TUNAR: variants seen among roughly 807,000 people sequenced by gnomAD.
TUNAR encodes protein TUNAR.
At chr14:95,922,940 T>C in exon 3 of TUNAR, 1 of 399,034 alleles carries the variant, frequency 2.5e-6, no homozygotes, top group Non-Finnish European at 4.4e-6. Flanking sequence ...TGTGATCATA[T>C]TTGTCTACAT....
intron 2 of TUNAR, among the ~76,000 whole-genome samples, chr14:95,877,860 C>G (rs993773512): frequency 1.3e-5 from 2 of 152,230 alleles, no homozygotes; most frequent in Non-Finnish European, 2.9e-5. Context: ...AATGTGTACT[C>G]TACTTTTTAG....
intron 2 of TUNAR, among the ~76,000 whole-genome samples, chr14:95,893,444 G>A (rs1312794510): frequency 2.0e-5 from 3 of 152,138 alleles, no homozygotes; most frequent in Non-Finnish European, 4.4e-5. Flanking sequence ...CAGGGAAGGG[G>A]CCGCCCTCAC....
chr14:95,884,114 G>A (rs1292861685), intron 2 of TUNAR, among the ~76,000 whole-genome samples: 1 of 152,038 alleles, frequency 6.6e-6, no homozygotes, highest in Non-Finnish European at 1.5e-5. Flanking sequence ...TCTTCACCAC[G>A]CTTCCCGCTC....
chr14:95,891,003 G>A lies in TUNAR; in HGVS notation c.12+13826G>A, dbSNP rs762332346. 9.2e-5 allele frequency among the ~76,000 whole-genome samples: 14 copies of A among 152,268 alleles called. No individual in the cohort carries two copies. The South Asian group carries it at 1.0e-3, about 11-fold the overall frequency. The stretch of plus-strand genomic sequence containing the variant: ...AACCCAGACAGCAGCAGAAAGAATC[G>A]ACCCGTGTCTGGAGCCTGCTGAAGT... On this transcript the variant is annotated intron_variant, in intron 2 of 2. Transcript: ENST00000678517.
Position 95,895,054 on chromosome 14 carries a change from C to G in TUNAR, c.12+17877C>G, listed in dbSNP as rs1889240833. ...GGCCAAGGCAGGGAGTCAAGCCAGA[C>G]AGCCAGCATCTCCAGAGAATAGTGA... On this transcript the variant is annotated intron_variant, in intron 2 of 2. Coordinates refer to ENST00000678517, the Ensembl canonical transcript of TUNAR. The surrounding 1 kb of genome is among the most constrained non-coding windows in gnomAD (Gnocchi z 4.5). Among the ~76,000 whole-genome samples, 1 of 152,226 alleles carries G rather than the reference C, an allele frequency of 6.6e-6. No homozygotes were observed. Among genetic ancestry groups the G allele is most frequent in the African/African-American group, 2.4e-5 (1 of 41,460 alleles).
chr14:95,896,834 T>C (rs1021236294), intron 2 of TUNAR, among the ~76,000 whole-genome samples: 2 of 152,218 alleles, frequency 1.3e-5, no homozygotes, highest in African/African-American at 4.8e-5. Context: ...AGGGTCTCCT[T>C]GCAGGCCTGG....
chr14:95,894,555 G>T (rs1889229381), intron 2 of TUNAR, among the ~76,000 whole-genome samples: 1 of 152,174 alleles, frequency 6.6e-6, no homozygotes, highest in South Asian at 2.1e-4. Flanking sequence ...AGTCCTGCTT[G>T]TCGAAACACT....
intron 2 of TUNAR, among the ~76,000 whole-genome samples, chr14:95,916,249 A>C (rs1231229473): frequency 6.6e-6 from 1 of 152,158 alleles, no homozygotes; most frequent in African/African-American, 2.4e-5. Flanking sequence ...CTTAGTGGGA[A>C]CCACTACGTC....
At chr14:95,882,787 C>T (rs539836134) in intron 2 of TUNAR, among the ~76,000 whole-genome samples, 137 of 152,322 alleles carry the variant, frequency 9.0e-4, no homozygotes, top group Middle Eastern at 6.8e-3. Context: ...CCGCCTCTAT[C>T]TGCTAATATG....
At chr14:95,913,157 T>TA (rs1566791571) in intron 2 of TUNAR, among the ~76,000 whole-genome samples, 1 of 150,296 alleles carries the variant, frequency 6.7e-6, no homozygotes, top group Non-Finnish European at 1.5e-5. Flanking sequence ...TTTTTTTTTT[T>TA]AAATTCTACT....
At chr14:95,890,292 C>T (rs1025000701) in intron 2 of TUNAR, among the ~76,000 whole-genome samples, 10 of 152,220 alleles carry the variant, frequency 6.6e-5, no homozygotes, top group Non-Finnish European at 1.5e-4. Context: ...ATCTTGTACC[C>T]TTTGTCTCTA....
Position 95,895,406 on chromosome 14 carries a change from C to A in TUNAR, c.12+18229C>A, listed in dbSNP as rs1334447277. 6.6e-6 allele frequency among the ~76,000 whole-genome samples: 1 copy of A among 152,048 alleles called. No homozygotes were observed. ...AGTTCCAGCAAATCACACATGTGTGCATGTTGTTAGAGTGTGTGTGGTGCG... is the reference window on the plus strand; with the variant it reads ...AGTTCCAGCAAATCACACATGTGTGAATGTTGTTAGAGTGTGTGTGGTGCG... On this transcript the variant is annotated intron_variant, in intron 2 of 2. Transcript: ENST00000678517. The surrounding 1 kb of genome is among the most constrained non-coding windows in gnomAD (Gnocchi z 4.5).
chr14:95,909,202 AC>A (rs1417036575), intron 2 of TUNAR, among the ~76,000 whole-genome samples: 1 of 152,050 alleles, frequency 6.6e-6, no homozygotes, highest in Non-Finnish European at 1.5e-5. Flanking sequence ...TTCTCACTCA[AC>A]ACACAGTAAA....
At chr14:95,914,520 C>T (rs993768882) in intron 2 of TUNAR, among the ~76,000 whole-genome samples, 4 of 152,094 alleles carry the variant, frequency 2.6e-5, no homozygotes, top group Admixed American at 6.5e-5. Context: ...CTTATGTTTT[C>T]CTTATGCATG....
chr14:95,906,060 A>T (rs888355163), intron 2 of TUNAR, among the ~76,000 whole-genome samples: 3 of 151,998 alleles, frequency 2.0e-5, no homozygotes, highest in Admixed American at 6.6e-5. Context: ...TTTTTGGAAG[A>T]CTTCCTTAAC....
At chr14:95,912,793 T>C (rs932424891) in intron 2 of TUNAR, among the ~76,000 whole-genome samples, 2 of 151,966 alleles carry the variant, frequency 1.3e-5, no homozygotes, top group African/African-American at 4.8e-5. Context: ...CTTTTTTTCT[T>C]TTTTTTTCTT....
intron 2 of TUNAR, among the ~76,000 whole-genome samples, chr14:95,900,908 T>C (rs573708267): frequency 6.6e-6 from 1 of 152,364 alleles, no homozygotes; most frequent in South Asian, 2.1e-4. Context: ...AGCTCATTTA[T>C]GTGCGGTGAG....
intron 2 of TUNAR, among the ~76,000 whole-genome samples, chr14:95,905,639 C>CTT (rs1364203042): frequency 6.6e-6 from 1 of 152,198 alleles, no homozygotes; most frequent in Admixed American, 6.5e-5. Context: ...AAGTCACTGT[C>CTT]TTTTCTTCGT....
chr14:95,886,367 TGAA>T (rs1275665259), intron 2 of TUNAR, among the ~76,000 whole-genome samples: 1 of 152,168 alleles, frequency 6.6e-6, no homozygotes, highest in Non-Finnish European at 1.5e-5. Flanking sequence ...AAAGGGAACA[TGAA>T]GAAGGGAAGA....
Sources: allele counts gnomAD v4.1 joint callset (sites outside exome capture counted in the v4.1 genomes callset), GRCh38; gene constraint gnomAD v4.1.1; non-coding constraint Gnocchi (gnomAD v3.1); transcripts MANE v1.5; gene names NCBI Gene and HGNC (gene_info 2026-07-23, HGNC 2026-07-21).